SYNE1: variants seen among roughly 807,000 people sequenced by gnomAD.
SYNE1 encodes spectrin repeat containing nuclear envelope protein 1.
A neutral mutation model predicts 1,111.0 loss-of-function variants in SYNE1; 616 were observed. The observed-to-expected ratio is 0.55, with a 90% CI of 0.52 to 0.59. The LOEUF (loss-of-function observed/expected upper bound fraction) is 0.59, where lower values mean the gene tolerates loss of function less well. SYNE1 is among the 20% of genes least tolerant of loss of function. SYNE1 has a pLI of 0.00. For missense variants in SYNE1, 10,006 were observed against 10,417.0 expected (o/e 0.96, Z 1.72); for synonymous variants, 3,855 against 3,825.8 (o/e 1.01, Z -0.28).
At chr6:152,188,022 G>C (rs1360265977) in intron 128 of SYNE1, among the ~76,000 whole-genome samples, 1 of 152,120 alleles carries the variant, frequency 6.6e-6, no homozygotes, top group Non-Finnish European at 1.5e-5. Flanking sequence ...CACCACACCT[G>C]GGTCCTTTAG....
Position 152,461,759 on chromosome 6 carries a change from C to G in SYNE1, c.2251-19G>C. 1 of 1,613,750 alleles carries G rather than the reference C, an allele frequency of 6.2e-7. No individual in the cohort carries two copies. The highest frequency in any genetic ancestry group is 8.5e-7 in the Non-Finnish European group (1 of 1,179,856). On this transcript the variant is annotated intron_variant, in intron 20 of 145. Coordinates refer to ENST00000367255, the MANE Select transcript of SYNE1 (RefSeq NM_182961.4). ...CAATATCCTGCATGAATCATTGAAA[C>G]AGCCAGATTCATACATGACACATTT...
intron 3 of SYNE1, among the ~76,000 whole-genome samples, chr6:152,599,267 T>C (rs1027124249): frequency 6.6e-6 from 1 of 152,224 alleles, no homozygotes; most frequent in African/African-American, 2.4e-5. Flanking sequence ...TGCAGGCTGC[T>C]CTAGTAAGTG....
chr6:152,629,549 A>AGGGGGGGGGGGGGGG (rs1565300223), intron 2 of SYNE1, among the ~76,000 whole-genome samples: 1 of 13,330 alleles, frequency 7.5e-5, no homozygotes, highest in Non-Finnish European at 1.3e-4. Context: ...GGGGGAGGGG[A>AGGGGGGGGGGGGGGG]GGAGGGGGTG....
At chr6:152,553,714 G>A (rs2099355628) in intron 3 of SYNE1, among the ~76,000 whole-genome samples, 1 of 152,106 alleles carries the variant, frequency 6.6e-6, no homozygotes, top group African/African-American at 2.4e-5. Context: ...CCTTTCACAT[G>A]TCTATATTTG....
At chr6:152,616,293 G>A (rs904411603) in intron 3 of SYNE1, among the ~76,000 whole-genome samples, 1 of 152,144 alleles carries the variant, frequency 6.6e-6, no homozygotes, top group African/African-American at 2.4e-5. Context: ...CTAGTGTTGG[G>A]CCGGGCACGG....
chr6:152,406,482 G>C (rs1181515168), intron 45 of SYNE1, among the ~76,000 whole-genome samples: 2 of 104,902 alleles, frequency 1.9e-5, no homozygotes, highest in Non-Finnish European at 3.8e-5. Context: ...AGATAAAAAT[G>C]CAAAAAAAAA....
At chr6:152,459,342 A>C (rs2098717430) in intron 21 of SYNE1, among the ~76,000 whole-genome samples, 1 of 152,176 alleles carries the variant, frequency 6.6e-6, no homozygotes, top group Non-Finnish European at 1.5e-5. Flanking sequence ...TGTGTCTTCC[A>C]GCTTTGTTTT....
At position 152,331,777 on chromosome 6, in the gene SYNE1, A is replaced by T. The variant is rs752624372; in HGVS notation, c.12908T>A (p.Ile4303Lys). Residue 4303 changes from isoleucine to lysine, a missense_variant, in exon 78 of 146, where the codon ATA (isoleucine) becomes AAA (lysine). Coordinates refer to ENST00000367255, the MANE Select transcript of SYNE1 (RefSeq NM_182961.4). ...CTTGTCATCTAAATTCAGATGCTCT[A>T]TCATTTTCTGCTTTTGATCTTTCAG... ...EDLKDQKQKM[I>K]EHLNLDDKEL... is the part of the protein sequence containing the mutation. 4 of 1,614,154 alleles carry T rather than the reference A, an allele frequency of 2.5e-6. No homozygotes were observed. In the Admixed American group the frequency reaches 5.0e-5, roughly 20 times the overall value.
At chr6:152,624,362 T>TA (rs1349132828) in intron 3 of SYNE1, among the ~76,000 whole-genome samples, 2 of 152,156 alleles carry the variant, frequency 1.3e-5, no homozygotes, top group African/African-American at 2.4e-5. Context: ...ATGTAGTTAA[T>TA]AAAAGTCAGT....
Position 152,325,099 on chromosome 6 carries a change from C to T in SYNE1, c.15642G>A (p.Thr5214=), listed in dbSNP as rs58030828. ...KILEDAVDEW[T]GFNNKVKKAT... ...TGGAAACTACCTTGTTGTTAAAGCCCGTCCACTCATCCACTGCATCTTCCA... is the reference window on the plus strand; with the variant it reads ...TGGAAACTACCTTGTTGTTAAAGCCTGTCCACTCATCCACTGCATCTTCCA... The change falls in exon 81 of 146, where the codon ACG becomes ACA. Residue 5214 remains threonine, a synonymous_variant. Transcript: ENST00000367255. 5 of 1,614,098 alleles carry T rather than the reference C, an allele frequency of 3.1e-6. No homozygotes were observed. The highest frequency in any genetic ancestry group is 1.7e-4 in the Middle Eastern group (1 of 5,986).
At position 152,455,918 on chromosome 6, in the gene SYNE1, T is replaced by C; in HGVS notation, c.2695A>G (p.Arg899Gly). The change falls in exon 23 of 146, where the codon AGA (arginine) becomes GGA (glycine). Residue 899 changes from arginine (R) to glycine (G), a missense_variant. Physicochemically the swap from Arg to Gly is moderately radical, Grantham distance 125. Around this residue, in one of 7 missense-constraint regions of SYNE1, gnomAD observed 1,971 missense variants for 2,084.1 expected, o/e 0.95. Transcript: ENST00000367255. ...LKHFDQTRLQRQIADIHVAFQ... is the reference protein window; with the variant it reads ...LKHFDQTRLQGQIADIHVAFQ... ...GCAACATGAATATCTGCAATCTGTCTTTGTAGCCTCGTCTGATCAAAATGC... is the reference window on the plus strand; with the variant it reads ...GCAACATGAATATCTGCAATCTGTCCTTGTAGCCTCGTCTGATCAAAATGC... 1 of 1,614,134 alleles carries C rather than the reference T, an allele frequency of 6.2e-7. No homozygotes were observed. Among genetic ancestry groups the C allele is most frequent in the Non-Finnish European group, 8.5e-7 (1 of 1,179,992 alleles).
chr6:152,438,888 T>C (rs1001428769), intron 32 of SYNE1, among the ~76,000 whole-genome samples: 17 of 152,296 alleles, frequency 1.1e-4, no homozygotes, highest in African/African-American at 4.1e-4. Context: ...GCTCTGTTTT[T>C]TGAATGAAAA....
At chr6:152,376,988 C>T (rs1591454058) in intron 56 of SYNE1, 76 bp from the exon 57 acceptor site, 3 of 1,540,342 alleles carry the variant, frequency 1.9e-6, no homozygotes, top group Middle Eastern at 1.7e-4. Context: ...ATACATGCAT[C>T]AATCATATTA....
intron 61 of SYNE1, chr6:152,367,724 T>G: frequency 3.1e-6 from 1 of 318,514 alleles, no homozygotes. Context: ...TAGGCTCACC[T>G]GACACAACAA....
chr6:152,140,603 G>A (rs1298451300), intron 139 of SYNE1, among the ~76,000 whole-genome samples: 1 of 151,814 alleles, frequency 6.6e-6, no homozygotes, highest in Non-Finnish European at 1.5e-5. Flanking sequence ...GGGGAGGCGG[G>A]AGGATTACTT....
At position 152,268,140 on chromosome 6, in the gene SYNE1, T is replaced by C; in HGVS notation, c.18731A>G (p.Gln6244Arg). ...GGCTACTGAGCGAAGGAGACTCTTC[T>C]GCTCGGCTAATTCCTGTTCTAACTC... ...QKELEQELAE[Q>R]KSLLRSVASR... Residue 6244 changes from glutamine to arginine, a missense_variant, in exon 100 of 146, where the codon CAG becomes CGG. Gln to Arg is a conservative substitution (Grantham distance 43). Coordinates refer to ENST00000367255, the MANE Select transcript of SYNE1 (RefSeq NM_182961.4). 1 of 1,614,200 alleles carries C rather than the reference T, an allele frequency of 6.2e-7. No homozygotes were observed. Among genetic ancestry groups the C allele is most frequent in the East Asian group, 2.2e-5 (1 of 44,878 alleles).
At chr6:152,555,103 A>G (rs1171180240) in intron 3 of SYNE1, among the ~76,000 whole-genome samples, 1 of 152,220 alleles carries the variant, frequency 6.6e-6, no homozygotes, top group Non-Finnish European at 1.5e-5. Flanking sequence ...AAATCTTAGG[A>G]AGAGCAAAGA....
At chr6:152,486,479 C>T (rs1641558662) in intron 12 of SYNE1, among the ~76,000 whole-genome samples, 1 of 152,172 alleles carries the variant, frequency 6.6e-6, no homozygotes, top group Non-Finnish European at 1.5e-5. Flanking sequence ...TTTCCTAAGC[C>T]TTTGTTTCCC....
At chr6:152,609,493 A>G (rs1246291334) in intron 3 of SYNE1, among the ~76,000 whole-genome samples, 6 of 152,156 alleles carry the variant, frequency 3.9e-5, no homozygotes, top group Non-Finnish European at 4.4e-5. Context: ...TAGAGCCCAC[A>G]CAGGTCAGCA....
Sources: allele counts gnomAD v4.1 joint callset (sites outside exome capture counted in the v4.1 genomes callset), GRCh38; gene constraint gnomAD v4.1.1; regional missense constraint gnomAD v4.1.1; transcripts MANE v1.5; gene names NCBI Gene and HGNC (gene_info 2026-07-23, HGNC 2026-07-21).